The following PYGL variants were observed in gnomAD, a reference collection of about 807,000 sequenced individuals.
The protein encoded by PYGL is glycogen phosphorylase, liver form.
In PYGL, 90 loss-of-function variants were observed where a neutral mutation model predicts 100.1. The ratio of observed to expected loss-of-function variants is 0.90; its 90% CI spans 0.76 to 1.07. PYGL has a LOEUF of 1.07. Among genes scored for constraint, PYGL ranks in the 50% least tolerant of loss-of-function variants. The pLI is 0.00. For synonymous variants in PYGL, 373 were observed against 393.0 expected, an observed-to-expected ratio of 0.95 and a Z score of 0.60; for missense variants, 1,016 against 1,057.6, an observed-to-expected ratio of 0.96 and a Z score of 0.55.
At chr14:50,906,897 C>T (rs747170443) in intron 19 of PYGL, among the ~76,000 whole-genome samples, 3 of 152,194 alleles carry the variant, frequency 2.0e-5, no homozygotes, top group African/African-American at 4.8e-5. Flanking sequence ...GCAGCACAGG[C>T]GTTGAATGAT....
intron 4 of PYGL, among the ~76,000 whole-genome samples, chr14:50,925,969 G>T (rs2050544257): frequency 1.3e-5 from 2 of 152,162 alleles, no homozygotes; most frequent in African/African-American, 4.8e-5. Flanking sequence ...GCTCCCAGGG[G>T]CTCCTGATTC....
chr14:50,914,697 T>G lies in PYGL; in HGVS notation c.1518+4A>C. 1 of 1,606,538 alleles carries G rather than the reference T, an allele frequency of 6.2e-7. No individual in the cohort carries two copies. The highest frequency in any genetic ancestry group is 8.5e-7 in the Non-Finnish European group (1 of 1,173,228). On this transcript the variant is annotated splice_donor_region_variant and intron_variant, in intron 12 of 19. Transcript: ENST00000216392. ...CTCCTTTCCTCTCAGCACTTCCCAG[T>G]TACCTCTGCTATGAGCTCTGCAAGT...
chr14:50,908,104 T>C (rs1467282707), intron 19 of PYGL, 167 bp downstream of exon 19: 2 of 564,278 alleles, frequency 3.5e-6, no homozygotes, highest in African/African-American at 2.0e-5. Context: ...AGACAAGGTT[T>C]TTTTTTTTGT....
intron 19 of PYGL, among the ~76,000 whole-genome samples, chr14:50,905,813 G>C (rs959923873): frequency 6.6e-6 from 1 of 152,222 alleles, no homozygotes; most frequent in African/African-American, 2.4e-5. Context: ...ACATTGCCTA[G>C]TTGGCAATTC....
In PYGL at chr14:50,912,072, A is replaced by G. The variant is rs1298730295; in HGVS notation, c.1769-36T>C. The G allele has an allele frequency of 3.7e-6, 6 of 1,613,240 alleles. No individual in the cohort carries two copies. In the South Asian group the frequency reaches 5.5e-5, roughly 15 times the overall value. On this transcript the variant is annotated intron_variant, in intron 14 of 19. Coordinates refer to ENST00000216392, the MANE Select transcript of PYGL (RefSeq NM_002863.5). ...TGGAGAAGTGGATGAAATGGAAGACAGCTGACGGTCAGGGCAGTGAGACCT... is the reference window on the plus strand; with the variant it reads ...TGGAGAAGTGGATGAAATGGAAGACGGCTGACGGTCAGGGCAGTGAGACCT...
rs748160270 is a variant in PYGL at position 50,924,126 on chromosome 14, G to A, written c.529-26C>T. The A allele has an allele frequency of 6.2e-6, 10 of 1,609,850 alleles. No homozygotes were observed. The South Asian group carries it at 9.9e-5, about 16-fold the overall frequency. On this transcript the variant is annotated intron_variant, in intron 4 of 19. Coordinates refer to ENST00000216392, the MANE Select transcript of PYGL (RefSeq NM_002863.5). ...CTGCAAAAGGATACAGTATTGCTTA[G>A]AATTTATTTGTCAGGAAATATGAAC...
chr14:50,937,879 C>A, intron 1 of PYGL, 42 bp from the exon 2 acceptor site: 1 of 1,524,014 alleles, frequency 6.6e-7, no homozygotes, highest in Non-Finnish European at 9.1e-7. Flanking sequence ...CCCAAGAGAT[C>A]AACCTCACTT....
At chr14:50,934,752 A>T (rs961720284) in intron 3 of PYGL, among the ~76,000 whole-genome samples, 3 of 152,072 alleles carry the variant, frequency 2.0e-5, no homozygotes, top group African/African-American at 7.2e-5. Flanking sequence ...TAAATACTAA[A>T]CTGTTCCCTA....
chr14:50,911,798 T>C lies in PYGL; in HGVS notation c.1901A>G (p.Asp634Gly), dbSNP rs1423854394. The C allele has an allele frequency of 1.2e-6, 2 of 1,614,162 alleles. No homozygotes were observed. Among genetic ancestry groups the C allele is most frequent in the Non-Finnish European group, 1.7e-6 (2 of 1,179,996 alleles). ...ITSVADVVNN[D>G]PMVGSKLKVI... ...TTTCAACTTGCTTCCAACCATAGGG[T>C]CATTGTTCACCACATCTGCCACTGA... The change falls in exon 16 of 20, where the codon GAC becomes GGC. Residue 634 changes from aspartate to glycine, a missense_variant. Asp to Gly is a moderately conservative substitution (Grantham distance 94, BLOSUM62 -1). Transcript: ENST00000216392.
intron 1 of PYGL, among the ~76,000 whole-genome samples, chr14:50,943,807 G>A (rs2050722445): frequency 6.6e-6 from 1 of 152,218 alleles, no homozygotes; most frequent in African/African-American, 2.4e-5. Context: ...AGAGGCCCCC[G>A]TCACCTCTTG....
At chr14:50,921,092 G>T (rs2050496687) in intron 5 of PYGL, 25 bp from the exon 6 acceptor site, 1 of 1,549,890 alleles carries the variant, frequency 6.5e-7, no homozygotes, top group African/African-American at 1.4e-5. Context: ...AGAAGCAGCT[G>T]CTCATTGTTT....
At chr14:50,920,817 T>G in intron 6 of PYGL, 139 bp downstream of exon 6, 4 of 1,024,826 alleles carry the variant, frequency 3.9e-6, no homozygotes, top group Non-Finnish European at 6.0e-6. Context: ...ACTTCCTCCA[T>G]ACAATGCCTG....
At chr14:50,942,401 G>A (rs2050709136) in intron 1 of PYGL, among the ~76,000 whole-genome samples, 1 of 140,078 alleles carries the variant, frequency 7.1e-6, no homozygotes, top group African/African-American at 2.5e-5. Context: ...ATGCTACAGA[G>A]GCGTGAGTGT....
At chr14:50,912,922 C>T in intron 13 of PYGL, 107 bp downstream of exon 13, 1 of 1,054,626 alleles carries the variant, frequency 9.5e-7, no homozygotes, top group Non-Finnish European at 1.4e-6. Flanking sequence ...CCACTGCACT[C>T]CAGCCTGGGC....
At chr14:50,935,045 G>T (rs1596050363) in intron 3 of PYGL, 62 bp downstream of exon 3, 1 of 1,446,068 alleles carries the variant, frequency 6.9e-7, no homozygotes. Context: ...GCATGGTCAT[G>T]CATGGCATCT....
chr14:50,919,782 A>AG (rs1246245310), intron 7 of PYGL, among the ~76,000 whole-genome samples: 3 of 151,968 alleles, frequency 2.0e-5, no homozygotes, highest in African/African-American at 7.3e-5. Flanking sequence ...CCCAGGCTCA[A>AG]GCGATTTTCC....
chr14:50,925,935 C>A (rs1314780198), intron 4 of PYGL, among the ~76,000 whole-genome samples: 4 of 152,064 alleles, frequency 2.6e-5, no homozygotes, highest in Admixed American at 2.6e-4. Flanking sequence ...TGGGGAGGGG[C>A]CTGAAATTCT....
rs1475247048 is a variant in PYGL, at chr14:50,921,048, T to C, written c.680A>G (p.Tyr227Cys). The C allele has an allele frequency of 5.0e-6, 8 of 1,613,952 alleles. No individual in the cohort carries two copies. Among genetic ancestry groups the C allele is most frequent in the Non-Finnish European group, 6.8e-6 (8 of 1,179,918 alleles). The change falls in exon 6 of 20, where the codon TAT becomes TGT. Residue 227 changes from tyrosine (Y) to cysteine (C), a missense_variant. Transcript: ENST00000216392. ...IDTQVVLALPYDTPVPGYMNN... is the reference protein window; with the variant it reads ...IDTQVVLALPCDTPVPGYMNN... Reference sequence around the variant, plus strand: ...CATGTAGCCGGGCACGGGGGTGTCATATGGCAGAGCCAGGACCACCTGTGG... The same window carrying C: ...CATGTAGCCGGGCACGGGGGTGTCACATGGCAGAGCCAGGACCACCTGTGG...
intron 4 of PYGL, among the ~76,000 whole-genome samples, chr14:50,926,023 G>A (rs1179089912): frequency 6.7e-6 from 1 of 149,532 alleles, no homozygotes; most frequent in African/African-American, 2.6e-5. Context: ...GAGCTACAAG[G>A]CAATGCAAAG....
Sources: gnomAD v4.1 joint callset for allele counts (sites outside exome capture counted in the v4.1 genomes callset) on GRCh38, gnomAD v4.1.1 for gene constraint, MANE v1.5 for transcripts, NCBI Gene and HGNC (gene_info 2026-07-23, HGNC 2026-07-21) for gene names.